Variants in TNS3 observed in about 807,000 individuals in gnomAD.
TNS3 encodes tensin 3, also known as tensin-3.
Under a neutral mutation model 140.9 loss-of-function variants are expected in TNS3, and 45 were observed. That is an observed-to-expected ratio of 0.32 (90% confidence interval 0.25 to 0.41). The LOEUF is 0.41. Among genes scored for constraint, TNS3 ranks in the 10% least tolerant of loss-of-function variants. The probability of loss-of-function intolerance (pLI) is 1.00; values close to 1 mark genes in which losing one functional copy is unlikely to be tolerated. For synonymous variants in TNS3, 815 were observed against 788.4 expected, an observed-to-expected ratio of 1.03 and a Z score of -0.56; for missense variants, 1,716 against 1,906.7, an observed-to-expected ratio of 0.90 and a Z score of 1.86.
chr7:47,347,250 C>G (rs1173632944), intron 17 of TNS3, among the ~76,000 whole-genome samples: 6 of 152,078 alleles, frequency 3.9e-5, no homozygotes, highest in Non-Finnish European at 8.8e-5. Context: ...ACATGAGTGG[C>G]CCACATAAGG....
At chr7:47,449,406 T>C (rs1189779095) in intron 4 of TNS3, among the ~76,000 whole-genome samples, 3 of 152,204 alleles carry the variant, frequency 2.0e-5, no homozygotes, top group Admixed American at 2.0e-4. Flanking sequence ...CCTTACCTGC[T>C]GTGCTTCCTC....
At chr7:47,509,101 C>G (rs1032593246) in intron 2 of TNS3, among the ~76,000 whole-genome samples, 1 of 152,184 alleles carries the variant, frequency 6.6e-6, no homozygotes, top group Non-Finnish European at 1.5e-5. Context: ...TCATGCAACA[C>G]GCCAACTCAA....
At chr7:47,505,999 A>AG (rs1462156663) in intron 3 of TNS3, among the ~76,000 whole-genome samples, 1 of 152,198 alleles carries the variant, frequency 6.6e-6, no homozygotes, top group Non-Finnish European at 1.5e-5. Flanking sequence ...AGCCGAAGGC[A>AG]GGGCTGGAAA....
intron 2 of TNS3, among the ~76,000 whole-genome samples, chr7:47,514,500 C>G (rs1798715994): frequency 6.6e-6 from 1 of 152,186 alleles, no homozygotes; most frequent in Admixed American, 6.5e-5. Flanking sequence ...CAACCCATTA[C>G]CAAATCTTTC....
At chr7:47,327,536 C>T (rs991257121) in intron 20 of TNS3, among the ~76,000 whole-genome samples, 1 of 152,154 alleles carries the variant, frequency 6.6e-6, no homozygotes, top group Non-Finnish European at 1.5e-5. Context: ...GGGGCAGGCT[C>T]GCTTTATCAG....
chr7:47,295,180 T>C (rs1429678378), intron 24 of TNS3, among the ~76,000 whole-genome samples: 1 of 152,216 alleles, frequency 6.6e-6, no homozygotes, highest in Admixed American at 6.5e-5. Context: ...ATATCCCCTA[T>C]TTTGTTCCTT....
At chr7:47,416,792 C>T (rs554558345) in intron 10 of TNS3, among the ~76,000 whole-genome samples, 156 of 152,298 alleles carry the variant, frequency 1.0e-3, no homozygotes, top group African/African-American at 3.5e-3. Flanking sequence ...GCAAATTTTA[C>T]GCATTGTGGA....
At chr7:47,565,610 G>A (rs1388597846) in intron 1 of TNS3, among the ~76,000 whole-genome samples, 2 of 151,718 alleles carry the variant, frequency 1.3e-5, no homozygotes, top group African/African-American at 4.8e-5. Flanking sequence ...CGGGTGATCA[G>A]CCCGCCTCAG....
At chr7:47,481,814 C>T (rs933022792) in intron 3 of TNS3, 5 of 487,442 alleles carry the variant, frequency 1.0e-5, no homozygotes, top group Admixed American at 6.4e-5. Context: ...AGGGAGCCAC[C>T]AGTCCTGCAG....
intron 4 of TNS3, among the ~76,000 whole-genome samples, chr7:47,464,486 C>A (rs138907545): frequency 3.3e-5 from 5 of 152,096 alleles, no homozygotes; most frequent in Non-Finnish European, 7.4e-5. Flanking sequence ...CAAGGTGGCC[C>A]CGGGTGGCAG....
At chr7:47,566,248 A>G (rs1288003999) in intron 1 of TNS3, among the ~76,000 whole-genome samples, 1 of 152,168 alleles carries the variant, frequency 6.6e-6, no homozygotes, top group Non-Finnish European at 1.5e-5. Context: ...AGAGCCACCC[A>G]AGCAGCTGCC....
chr7:47,388,591 G>T (rs1033963874), intron 16 of TNS3, among the ~76,000 whole-genome samples: 10 of 152,266 alleles, frequency 6.6e-5, no homozygotes, highest in African/African-American at 2.4e-4. Flanking sequence ...TAGGCCAGGC[G>T]TGGTGGCTCA....
chr7:47,477,160 G>C (rs1797227571), intron 4 of TNS3, among the ~76,000 whole-genome samples: 1 of 152,162 alleles, frequency 6.6e-6, no homozygotes, highest in Admixed American at 6.5e-5. Flanking sequence ...CGGTAAGTAT[G>C]GCTGGCAAGG....
chr7:47,510,766 T>A (rs752859863), intron 2 of TNS3, among the ~76,000 whole-genome samples: 1 of 150,690 alleles, frequency 6.6e-6, no homozygotes, highest in Non-Finnish European at 1.5e-5. Context: ...TCCCAGCTAC[T>A]TGGGAGGCTG....
intron 13 of TNS3, 82 bp downstream of exon 13, chr7:47,411,645 T>C: frequency 6.9e-7 from 1 of 1,446,586 alleles, no homozygotes; most frequent in Non-Finnish European, 9.5e-7. Flanking sequence ...GGTTACTGTT[T>C]TAACACAGAA....
chr7:47,463,017 G>A (rs1043033993), intron 4 of TNS3, among the ~76,000 whole-genome samples: 1 of 152,260 alleles, frequency 6.6e-6, no homozygotes, highest in African/African-American at 2.4e-5. Flanking sequence ...GTTGATTTTC[G>A]TTATTGGCAG....
chr7:47,347,767 A>C (rs1789431656), intron 17 of TNS3, among the ~76,000 whole-genome samples: 2 of 152,128 alleles, frequency 1.3e-5, no homozygotes, highest in Non-Finnish European at 2.9e-5. Flanking sequence ...GGAAAGAAGG[A>C]GGAAGAAGTG....
At chr7:47,351,226 C>G (rs1243844790) in intron 17 of TNS3, among the ~76,000 whole-genome samples, 1 of 152,186 alleles carries the variant, frequency 6.6e-6, no homozygotes, top group Non-Finnish European at 1.5e-5. Context: ...CCCAAACTCA[C>G]GTGTTTGATC....
At chr7:47,554,969 A>G (rs1335363328) in intron 1 of TNS3, among the ~76,000 whole-genome samples, 6 of 151,930 alleles carry the variant, frequency 3.9e-5, no homozygotes, top group African/African-American at 1.5e-4. Flanking sequence ...CAGAGGTTGC[A>G]GTGAGCCGAG....
Sources: allele counts gnomAD v4.1 joint callset (sites outside exome capture counted in the v4.1 genomes callset), GRCh38; gene constraint gnomAD v4.1.1; transcripts MANE v1.5; gene names NCBI Gene and HGNC (gene_info 2026-07-23, HGNC 2026-07-21).